The following LY6S variants were observed in gnomAD, a reference collection of about 807,000 sequenced individuals.
The protein encoded by LY6S is lymphocyte antigen 6S.
At chr8:143,060,511 C>G in the LY6S span, among the ~76,000 whole-genome samples, 2 of 152,242 alleles carry the variant, frequency 1.3e-5, no homozygotes, top group African/African-American at 2.4e-5. Flanking sequence ...CCCTCTCTCT[C>G]TCCGCCTCGG....
the LY6S span, among the ~76,000 whole-genome samples, chr8:143,054,654 A>C: frequency 2.0e-5 from 3 of 152,174 alleles, no homozygotes; most frequent in African/African-American, 7.2e-5. Flanking sequence ...CCCTCCATCT[A>C]ACTCCACGCT....
chr8:143,044,930 T>A, the LY6S span: 31 of 959,142 alleles, frequency 3.2e-5, 1 homozygote, highest in South Asian at 5.1e-4. Context: ...CACCTGGACC[T>A]TTGCAATAGC....
chr8:143,043,003 TGGC>T, the LY6S span: 1 of 1,367,744 alleles, frequency 7.3e-7, no homozygotes, highest in Non-Finnish European at 9.8e-7. Flanking sequence ...CCTGATCTCA[TGGC>T]TGAAAAGCCA....
the LY6S span, among the ~76,000 whole-genome samples, chr8:143,049,592 A>G: frequency 2.0e-5 from 3 of 152,330 alleles, no homozygotes; most frequent in South Asian, 4.1e-4. Context: ...TCCAGGCCCC[A>G]TGGCCCAACT....
chr8:143,060,419 A>G, the LY6S span, among the ~76,000 whole-genome samples: 2 of 152,266 alleles, frequency 1.3e-5, no homozygotes, highest in African/African-American at 4.8e-5. Context: ...CGCCTTCTAG[A>G]TAGCAGTAGC....
chr8:143,072,262 G>T, the LY6S span, among the ~76,000 whole-genome samples: 1 of 147,254 alleles, frequency 6.8e-6, no homozygotes, highest in Non-Finnish European at 1.5e-5. Context: ...TGTTTGAGGA[G>T]ACAGCCGTCG....
At chr8:143,072,009 G>T in the LY6S span, among the ~76,000 whole-genome samples, 1 of 152,168 alleles carries the variant, frequency 6.6e-6, no homozygotes, top group Non-Finnish European at 1.5e-5. Flanking sequence ...AAAGAATGTG[G>T]CACCCCCATG....
chr8:143,057,794 GA>G, the LY6S span: 1 of 778,768 alleles, frequency 1.3e-6, no homozygotes. Context: ...ATGTGTTCTT[GA>G]AAAACCATCA....
chr8:143,047,263 C>T, the LY6S span, among the ~76,000 whole-genome samples: 2 of 151,572 alleles, frequency 1.3e-5, no homozygotes, highest in African/African-American at 4.8e-5. Flanking sequence ...CCTCAGCCTC[C>T]GGAGTAGCTG....
At chr8:143,070,785 G>A in the LY6S span, among the ~76,000 whole-genome samples, 6 of 151,840 alleles carry the variant, frequency 4.0e-5, no homozygotes, top group East Asian at 1.9e-4. Context: ...GTGCCCGGCC[G>A]CAGTTGCCCT....
At chr8:143,061,936 A>G in the LY6S span, among the ~76,000 whole-genome samples, 1 of 152,256 alleles carries the variant, frequency 6.6e-6, no homozygotes, top group Non-Finnish European at 1.5e-5. Flanking sequence ...ATATTCACAT[A>G]CTGAACATAC....
At chr8:143,070,627 C>A in the LY6S span, among the ~76,000 whole-genome samples, 1 of 150,090 alleles carries the variant, frequency 6.7e-6, no homozygotes, top group Non-Finnish European at 1.5e-5. Flanking sequence ...GCTGGGATTA[C>A]AGGCGCATGT....
the LY6S span, chr8:143,043,214 G>A: frequency 7.3e-7 from 1 of 1,367,560 alleles, no homozygotes. Flanking sequence ...CCACCGCATT[G>A]CAGAGGTCTC....
chr8:143,044,789 G>A, the LY6S span: 14 of 1,366,976 alleles, frequency 1.0e-5, 1 homozygote, highest in Middle Eastern at 4.2e-4. Flanking sequence ...CTGTAGCAGC[G>A]CAGACCCTGA....
chr8:143,068,067 T>C, the LY6S span, among the ~76,000 whole-genome samples: 1 of 152,280 alleles, frequency 6.6e-6, no homozygotes, highest in Non-Finnish European at 1.5e-5. Context: ...TGTAAGGTCT[T>C]TCCTTTCCCA....
chr8:143,057,636 T>G, the LY6S span: 9 of 1,071,114 alleles, frequency 8.4e-6, no homozygotes, highest in African/African-American at 1.5e-5. Context: ...CCCACAGTTT[T>G]GGGAGGGTTG....
At chr8:143,060,590 A>G in the LY6S span, among the ~76,000 whole-genome samples, 2 of 152,164 alleles carry the variant, frequency 1.3e-5, no homozygotes, top group Admixed American at 6.5e-5. Context: ...ATCATTGGAG[A>G]TGACTCACAC....
chr8:143,043,726 AG>A, the LY6S span, among the ~76,000 whole-genome samples: 1 of 151,080 alleles, frequency 6.6e-6, no homozygotes, highest in Non-Finnish European at 1.5e-5. Context: ...CCCAGGCTGG[AG>A]TGCAATGGGG....
chr8:143,067,385 G>C, the LY6S span, among the ~76,000 whole-genome samples: 2 of 152,170 alleles, frequency 1.3e-5, no homozygotes. Flanking sequence ...TAACATGTTT[G>C]CAGGCAGTGT....
Sources: gnomAD v4.1 joint callset for allele counts (sites outside exome capture counted in the v4.1 genomes callset) on GRCh38, gnomAD v4.1.1 for gene constraint, MANE v1.5 for transcripts, NCBI Gene and HGNC (gene_info 2026-07-23, HGNC 2026-07-21) for gene names.